Variants in UBE2H observed in about 807,000 individuals in gnomAD.
UBE2H encodes ubiquitin-conjugating enzyme E2 H.
Under a neutral mutation model 29.0 loss-of-function variants are expected in UBE2H, and 3 were observed. The observed-to-expected ratio is 0.10, with a 90% CI of 0.05 to 0.27. The LOEUF (loss-of-function observed/expected upper bound fraction) is 0.27, where lower values mean the gene tolerates loss of function less well. Among genes scored for constraint, UBE2H ranks in the 10% least tolerant of loss-of-function variants. UBE2H has a pLI of 1.00. For missense variants in UBE2H, 68 were observed against 228.2 expected, an observed-to-expected ratio of 0.30 and a Z score of 4.52; for synonymous variants, 69 against 82.9, an observed-to-expected ratio of 0.83 and a Z score of 0.91.
intron 1 of UBE2H, among the ~76,000 whole-genome samples, chr7:129,934,998 T>C (rs1203086219): frequency 6.6e-6 from 1 of 151,322 alleles, no homozygotes; most frequent in Non-Finnish European, 1.5e-5. Flanking sequence ...TATATGTGTG[T>C]GTATATGTGT....
chr7:129,934,943 ATATG>A lies in UBE2H; in HGVS notation c.53+17556_53+17559del, dbSNP rs921520434. On this transcript the variant is annotated intron_variant, in intron 1 of 6. Coordinates refer to ENST00000355621, the MANE Select transcript of UBE2H (RefSeq NM_003344.4). ...TGTATATATATGTGTATATATATAT[ATATG>A]TGTGTGTGTGTATATATATGTGTAT... Among the ~76,000 whole-genome samples, 57 of 149,530 alleles carry A rather than the reference ATATG, an allele frequency of 3.8e-4. 1 individual carries two copies. Among genetic ancestry groups the A allele is most frequent in the Admixed American group, 1.1e-3 (17 of 14,904 alleles).
intron 3 of UBE2H, among the ~76,000 whole-genome samples, chr7:129,865,798 GTATA>G (rs1805893408): frequency 6.6e-6 from 1 of 152,194 alleles, no homozygotes; most frequent in Non-Finnish European, 1.5e-5. Context: ...TTTTCAGTAG[GTATA>G]ATTGTTTAAA....
chr7:129,874,942 T>C (rs570596493), intron 3 of UBE2H, among the ~76,000 whole-genome samples: 5 of 151,812 alleles, frequency 3.3e-5, no homozygotes, highest in Non-Finnish European at 7.4e-5. Context: ...CACACATAAT[T>C]AAAATTTAAA....
chr7:129,880,512 A>G (rs978290678), intron 2 of UBE2H, among the ~76,000 whole-genome samples: 1 of 152,212 alleles, frequency 6.6e-6, no homozygotes, highest in African/African-American at 2.4e-5. Flanking sequence ...TCACTTAATA[A>G]ATAAATAAAT....
chr7:129,902,318 G>A (rs1480231112), intron 1 of UBE2H, among the ~76,000 whole-genome samples: 2 of 152,140 alleles, frequency 1.3e-5, no homozygotes, highest in African/African-American at 2.4e-5. Flanking sequence ...GGCCAATATG[G>A]CAAAACCCCG....
At chr7:129,928,275 T>C (rs1807313804) in intron 1 of UBE2H, among the ~76,000 whole-genome samples, 1 of 151,734 alleles carries the variant, frequency 6.6e-6, no homozygotes, top group Admixed American at 6.6e-5. Context: ...AGCAAGTCTC[T>C]GTCTCAAAAA....
intron 1 of UBE2H, among the ~76,000 whole-genome samples, chr7:129,885,628 A>G (rs1448554603): frequency 6.6e-6 from 1 of 152,200 alleles, no homozygotes; most frequent in African/African-American, 2.4e-5. Flanking sequence ...CTTTAATTAT[A>G]TATCACATCA....
At chr7:129,916,132 C>CT (rs572427224) in intron 1 of UBE2H, among the ~76,000 whole-genome samples, 170 of 152,256 alleles carry the variant, frequency 1.1e-3, no homozygotes, top group African/African-American at 3.7e-3. Context: ...ATGACTTCAG[C>CT]TTTTTTTATA....
chr7:129,942,382 G>T (rs1455740131), intron 1 of UBE2H, among the ~76,000 whole-genome samples: 1 of 152,106 alleles, frequency 6.6e-6, no homozygotes, highest in Admixed American at 6.6e-5. Context: ...AGCTACTCAG[G>T]AGGCTGAGGC....
At chr7:129,879,665 C>T (rs1336515975) in intron 2 of UBE2H, 23 bp from the exon 3 acceptor site, 16 of 1,591,400 alleles carry the variant, frequency 1.0e-5, no homozygotes, top group Non-Finnish European at 1.4e-5. Context: ...TAAAAATGTT[C>T]ATCAGAACTA....
At chr7:129,948,621 C>A (rs542268493) in intron 1 of UBE2H, among the ~76,000 whole-genome samples, 7 of 152,066 alleles carry the variant, frequency 4.6e-5, no homozygotes, top group Non-Finnish European at 1.0e-4. Context: ...GGGAGGCCAG[C>A]CTGGTAACCT....
At chr7:129,881,826 C>T (rs1377163721) in intron 1 of UBE2H, among the ~76,000 whole-genome samples, 1 of 152,122 alleles carries the variant, frequency 6.6e-6, no homozygotes, top group African/African-American at 2.4e-5. Flanking sequence ...AAATGCTATG[C>T]TCCTAAAACG....
At chr7:129,867,724 C>CAAAAAAAAAAAAAAAAAAAAAAATAAA (rs1473451530) in intron 3 of UBE2H, among the ~76,000 whole-genome samples, 1 of 31,192 alleles carries the variant, frequency 3.2e-5, no homozygotes, top group Non-Finnish European at 5.8e-5. Context: ...AAAAGAAAAC[C>CAAAAAAAAAAAAAAAAAAAAAAATAAA]AAAAAAAAAA....
At chr7:129,940,854 T>C (rs904313106) in intron 1 of UBE2H, among the ~76,000 whole-genome samples, 2 of 152,248 alleles carry the variant, frequency 1.3e-5, no homozygotes, top group Non-Finnish European at 2.9e-5. Flanking sequence ...TGATACCCAA[T>C]TGAGAATCAC....
chr7:129,848,148 G>C (rs539168209), intron 5 of UBE2H, among the ~76,000 whole-genome samples: 1 of 152,128 alleles, frequency 6.6e-6, no homozygotes, highest in Non-Finnish European at 1.5e-5. Flanking sequence ...GCTTGAACTC[G>C]GGAGGTGGAG....
At chr7:129,863,823 T>TTTTTTTTTTG (rs1805846300) in intron 3 of UBE2H, among the ~76,000 whole-genome samples, 1 of 151,466 alleles carries the variant, frequency 6.6e-6, no homozygotes, top group Non-Finnish European at 1.5e-5. Flanking sequence ...TTTTTTTTTT[T>TTTTTTTTTTG]GAGATAAGGT....
chr7:129,890,841 A>G (rs1806469210), intron 1 of UBE2H, among the ~76,000 whole-genome samples: 1 of 152,062 alleles, frequency 6.6e-6, no homozygotes, highest in Admixed American at 6.5e-5. Context: ...GACTTAAAGA[A>G]GTCAACTTAT....
At chr7:129,871,531 A>G (rs909413307) in intron 3 of UBE2H, among the ~76,000 whole-genome samples, 1 of 152,112 alleles carries the variant, frequency 6.6e-6, no homozygotes, top group Non-Finnish European at 1.5e-5. Flanking sequence ...CCTGGGCAAC[A>G]TGGTGAAACC....
At chr7:129,849,322 A>G (rs1283867549) in intron 5 of UBE2H, among the ~76,000 whole-genome samples, 1 of 152,236 alleles carries the variant, frequency 6.6e-6, no homozygotes, top group Non-Finnish European at 1.5e-5. Context: ...TCACGCCTGT[A>G]ATCCCAGCAC....
Sources: allele counts gnomAD v4.1 joint callset (sites outside exome capture counted in the v4.1 genomes callset), GRCh38; gene constraint gnomAD v4.1.1; transcripts MANE v1.5; gene names NCBI Gene and HGNC (gene_info 2026-07-23, HGNC 2026-07-21).